The following SBNO1 variants were observed in gnomAD, a reference collection of about 807,000 sequenced individuals.
The protein encoded by SBNO1 is strawberry notch homolog 1, also known as protein strawberry notch homolog 1.
Under a neutral mutation model 173.6 loss-of-function variants are expected in SBNO1, and 23 were observed. That is an observed-to-expected ratio of 0.13 (90% confidence interval 0.10 to 0.19). The LOEUF is 0.19. Ranked by LOEUF, SBNO1 falls within the 10% of genes least tolerant of loss-of-function variation. The pLI, the probability that SBNO1 is intolerant of heterozygous loss-of-function variation, is 1.00. For missense variants in SBNO1, 1,238 were observed against 1,671.2 expected (o/e 0.74, Z 4.52); for synonymous variants, 632 against 571.5 (o/e 1.11, Z -1.51).
rs377658320 is a variant in SBNO1, at chr12:123,317,222, G to A, written c.2934C>T (p.Phe978=). 2.4e-5 allele frequency: 38 copies of A among 1,613,724 alleles called. No individual in the cohort carries two copies. The highest frequency in any genetic ancestry group is 1.5e-4 in the African/African-American group (11 of 74,904). ...PWSADRAIQQ[F]GRTHRSNQVT... Reference sequence around the variant, plus strand: ...GAAATCCAGTTTGTAGGAACTTACCGAACTGTTGAATTGCTCTATCAGCGC... The same window carrying A: ...GAAATCCAGTTTGTAGGAACTTACCAAACTGTTGAATTGCTCTATCAGCGC... The change falls in exon 21 of 32, where the codon TTC becomes TTT. Residue 978 remains phenylalanine (F), a splice_region_variant and synonymous_variant. Coordinates refer to ENST00000602398, the MANE Select transcript of SBNO1 (RefSeq NM_001167856.3).
At chr12:123,355,614 T>C (rs1234462423) in intron 1 of SBNO1, among the ~76,000 whole-genome samples, 1 of 151,170 alleles carries the variant, frequency 6.6e-6, no homozygotes, top group Non-Finnish European at 1.5e-5. Context: ...CAACAAAAAA[T>C]AAAAACAAAC....
chr12:123,334,269 A>C (rs1189660812), intron 6 of SBNO1, 56 bp from the exon 7 acceptor site: 1 of 1,016,504 alleles, frequency 9.8e-7, no homozygotes, highest in East Asian at 2.8e-5. Context: ...TAACATTTCC[A>C]GTTTCATTAT....
intron 4 of SBNO1, among the ~76,000 whole-genome samples, chr12:123,341,805 G>C (rs1872601178): frequency 6.6e-6 from 1 of 151,852 alleles, no homozygotes; most frequent in Non-Finnish European, 1.5e-5. Flanking sequence ...TGGGATTACA[G>C]GCGTGAGCCA....
chr12:123,351,759 G>A (rs1050423137), intron 1 of SBNO1, among the ~76,000 whole-genome samples: 3 of 152,160 alleles, frequency 2.0e-5, no homozygotes, highest in Non-Finnish European at 4.4e-5. Context: ...TAACTGCATG[G>A]GGCAGAGAGA....
chr12:123,311,014 A>G, intron 25 of SBNO1, 41 bp downstream of exon 25: 1 of 1,352,726 alleles, frequency 7.4e-7, no homozygotes, highest in Non-Finnish European at 1.1e-6. Flanking sequence ...CTTTAATACT[A>G]TAGCAACAGT....
chr12:123,309,077 GAAA>G (rs1168918115), intron 28 of SBNO1, among the ~76,000 whole-genome samples: 2 of 99,362 alleles, frequency 2.0e-5, no homozygotes, highest in Admixed American at 1.1e-4. Context: ...GTCTCAGAAA[GAAA>G]AAAAAAGAAG....
chr12:123,325,282 T>C (rs115433149), intron 15 of SBNO1, among the ~76,000 whole-genome samples: 1 of 152,346 alleles, frequency 6.6e-6, no homozygotes, highest in African/African-American at 2.4e-5. Flanking sequence ...ACATACTCTG[T>C]GTAATATTAG....
intron 1 of SBNO1, among the ~76,000 whole-genome samples, chr12:123,357,091 A>G (rs1291589053): frequency 1.3e-5 from 2 of 152,206 alleles, no homozygotes; most frequent in Non-Finnish European, 2.9e-5. Flanking sequence ...ACTTAAGAAC[A>G]TCAGGAGAAA....
intron 28 of SBNO1, among the ~76,000 whole-genome samples, chr12:123,309,067 G>A (rs61058270): frequency 0.055 from 7,259 of 132,168 alleles, 306 homozygotes; most frequent in East Asian, 0.32. Context: ...GCGAAACTCT[G>A]TCTCAGAAAG....
intron 9 of SBNO1, among the ~76,000 whole-genome samples, chr12:123,329,835 T>G (rs1278567839): frequency 3.3e-5 from 5 of 152,192 alleles, no homozygotes; most frequent in Non-Finnish European, 4.4e-5. Flanking sequence ...TTTAACCTTA[T>G]AGCACCAACA....
intron 3 of SBNO1, among the ~76,000 whole-genome samples, 159 bp downstream of exon 3, chr12:123,347,870 T>G (rs1429061630): frequency 6.6e-6 from 1 of 152,122 alleles, no homozygotes; most frequent in African/African-American, 2.4e-5. Flanking sequence ...TCCTGCCATT[T>G]TGCTCAAGCT....
Position 123,313,626 on chromosome 12 carries a change from A to G in SBNO1, c.3214T>C (p.Phe1072Leu), listed in dbSNP as rs920585077. 1 of 1,537,510 alleles carries G rather than the reference A, an allele frequency of 6.5e-7. No individual in the cohort carries two copies. ...SPPPDYPGEF[F>L]KDVRQGLIGV... ...GAATATTTGTAGAAGTTACCTTTAA[A>G]AAATTCTCCAGGATAGTCTGGAGGT... Residue 1072 changes from phenylalanine (F) to leucine (L), a missense_variant, in exon 24 of 32, where the codon TTT (phenylalanine) becomes CTT (leucine). Physicochemically the swap from Phe to Leu is conservative, Grantham distance 22. Transcript: ENST00000602398.
intron 21 of SBNO1, among the ~76,000 whole-genome samples, chr12:123,316,704 T>TTC (rs1491392323): frequency 3.9e-5 from 1 of 25,460 alleles, no homozygotes; most frequent in Non-Finnish European, 3.1e-4. Context: ...TTTCTTCTTC[T>TTC]TTTTTTTTTT....
chr12:123,348,206 T>C, intron 2 of SBNO1, 73 bp from the exon 3 acceptor site: 1 of 752,780 alleles, frequency 1.3e-6, no homozygotes, highest in Non-Finnish European at 2.3e-6. Context: ...AAGGTTTGCA[T>C]TTATTAAAAA....
chr12:123,341,424 G>C (rs554024827), intron 4 of SBNO1, among the ~76,000 whole-genome samples: 104 of 151,980 alleles, frequency 6.8e-4, no homozygotes, highest in Admixed American at 2.2e-3. Flanking sequence ...CTTCAGCCTG[G>C]GTGACAGAAC....
At chr12:123,301,441 A>C (rs930711430) in intron 30 of SBNO1, among the ~76,000 whole-genome samples, 3 of 152,174 alleles carry the variant, frequency 2.0e-5, no homozygotes, top group African/African-American at 7.2e-5. Context: ...AAACAATCAA[A>C]ACAAACAAAA....
At chr12:123,312,306 T>C (rs1255152123) in intron 24 of SBNO1, among the ~76,000 whole-genome samples, 1 of 152,180 alleles carries the variant, frequency 6.6e-6, no homozygotes, top group African/African-American at 2.4e-5. Context: ...ACTTTACTGC[T>C]TTTGTTGAAA....
rs532110112 is a variant in SBNO1, at chr12:123,294,618, G to C, written c.*1290C>G. 1 of 92,852 alleles carries C rather than the reference G, an allele frequency of 1.1e-5. No homozygotes were observed. Among genetic ancestry groups the C allele is most frequent in the African/African-American group, 4.6e-5 (1 of 21,946 alleles). The allele number at this position is 92,852 out of a possible 1,614,324, so 5.8% of individuals were successfully genotyped here. On this transcript the variant is annotated 3_prime_UTR_variant, in exon 32 of 32. Coordinates refer to ENST00000602398, the MANE Select transcript of SBNO1 (RefSeq NM_001167856.3). ...TTTATACAATCTCGATTTTTCAATA[G>C]TGCAACCTGTGGAAGCAAAAAAAAA...
At chr12:123,339,789 AAAC>A (rs1050972497) in intron 5 of SBNO1, among the ~76,000 whole-genome samples, 9 of 152,098 alleles carry the variant, frequency 5.9e-5, no homozygotes, top group Admixed American at 1.3e-4. Flanking sequence ...TCCATCTCAA[AAAC>A]AACAACAACA....
Sources: gnomAD v4.1 joint callset for allele counts (sites outside exome capture counted in the v4.1 genomes callset) on GRCh38, gnomAD v4.1.1 for gene constraint, MANE v1.5 for transcripts, NCBI Gene and HGNC (gene_info 2026-07-23, HGNC 2026-07-21) for gene names.